MEI1: variants seen among roughly 807,000 people sequenced by gnomAD.
The protein encoded by MEI1 is meiosis inhibitor protein 1.
MEI1 carries 103 observed loss-of-function variants against 146.2 expected under a neutral mutation model. The ratio of observed to expected loss-of-function variants is 0.70; its 90% CI spans 0.60 to 0.83. The LOEUF is 0.83. Ranked by LOEUF, MEI1 falls within the 40% of genes least tolerant of loss-of-function variation. MEI1 has a pLI of 0.00. For missense variants in MEI1, 1,529 were observed against 1,533.0 expected, an observed-to-expected ratio of 1.00 and a Z score of 0.04; for synonymous variants, 652 against 628.2, an observed-to-expected ratio of 1.04 and a Z score of -0.57.
At chr22:41,713,595 C>T (rs552242559) in intron 3 of MEI1, among the ~76,000 whole-genome samples, 3 of 152,108 alleles carry the variant, frequency 2.0e-5, no homozygotes, top group Non-Finnish European at 4.4e-5. Context: ...GTTGCCCATG[C>T]TGGAGTGCAA....
intron 23 of MEI1, 26 bp downstream of exon 23, chr22:41,781,420 G>T (rs565151452): frequency 3.3e-5 from 51 of 1,560,358 alleles, no homozygotes; most frequent in Non-Finnish European, 4.4e-5. Context: ...CTGGGACAGT[G>T]AAGAGTGCTG....
At chr22:41,775,904 C>G (rs1018657834) in intron 20 of MEI1, 198 bp from the exon 21 acceptor site, 18 of 526,382 alleles carry the variant, frequency 3.4e-5, no homozygotes, top group African/African-American at 3.3e-4. Context: ...TAGGATGGAC[C>G]TATTCTAAGG....
intron 21 of MEI1, 96 bp from the exon 22 acceptor site, chr22:41,778,612 A>G: frequency 1.1e-6 from 1 of 893,426 alleles, no homozygotes; most frequent in Non-Finnish European, 1.8e-6. Context: ...AAAACTTTGA[A>G]CCTGTTATTA....
chr22:41,785,312 G>T (rs2075924198), intron 26 of MEI1, among the ~76,000 whole-genome samples: 1 of 151,226 alleles, frequency 6.6e-6, no homozygotes, highest in Admixed American at 6.6e-5. Flanking sequence ...GCCCAGGCTG[G>T]TGTGTGGTGG....
intron 19 of MEI1, among the ~76,000 whole-genome samples, chr22:41,763,661 C>T (rs937967178): frequency 4.0e-5 from 6 of 151,882 alleles, no homozygotes; most frequent in Non-Finnish European, 7.4e-5. Context: ...GGTGTGATTT[C>T]GGCTCACTGC....
At chr22:41,797,240 T>G (rs2076394035) in intron 30 of MEI1, among the ~76,000 whole-genome samples, 1 of 151,960 alleles carries the variant, frequency 6.6e-6, no homozygotes, top group South Asian at 2.1e-4. Context: ...CTGCCTGCCT[T>G]GGCCTCCCAA....
chr22:41,703,326 T>G lies in MEI1; in HGVS notation c.175-5T>G, dbSNP rs1256957837. The G allele has an allele frequency of 1.9e-6, 3 of 1,611,872 alleles. No individual in the cohort carries two copies. The highest frequency in any genetic ancestry group is 2.5e-6 in the Non-Finnish European group (3 of 1,179,048). ...TATTGAATGTTTTTCTTCATTTGCT[T>G]CAAGTTAGTGCGCAAGAAGCACATG... On this transcript the variant is annotated splice_region_variant and splice_polypyrimidine_tract_variant and intron_variant, in intron 1 of 30. Transcript: ENST00000401548.
intron 17 of MEI1, among the ~76,000 whole-genome samples, chr22:41,758,163 C>T (rs2074219704): frequency 6.6e-6 from 1 of 152,012 alleles, no homozygotes; most frequent in Non-Finnish European, 1.5e-5. Flanking sequence ...TATCCATGTC[C>T]TTCTGCTTGT....
Position 41,795,359 on chromosome 22 carries a change from T to G in MEI1, c.3535-52T>G. 1.9e-6 allele frequency: 3 copies of G among 1,605,918 alleles called. No homozygotes were observed. The highest frequency in any genetic ancestry group is 2.2e-5 in the South Asian group (2 of 89,986). ...GTTGGGGCACAGCAGTTGTCTATGA[T>G]GAAGGAGATGCCAAATCACTGGGTG... On this transcript the variant is annotated intron_variant, in intron 28 of 30. Transcript: ENST00000401548. The surrounding 1 kb of genome is among the most constrained non-coding windows in gnomAD (Gnocchi z 4.2).
chr22:41,794,465 G>A lies in MEI1; in HGVS notation c.3522G>A (p.Arg1174=). ...ENSFLRPEIL[R]LMTLFMRYRS... is the part of the protein sequence containing the mutation. Reference sequence around the variant, plus strand: ...CCTTCCTCAGACCTGAGATTTTGAGGCTCATGACCCTGGTAAGTGCAGAAA... The same window carrying A: ...CCTTCCTCAGACCTGAGATTTTGAGACTCATGACCCTGGTAAGTGCAGAAA... The change falls in exon 28 of 31, where the codon AGG becomes AGA. Residue 1174 remains arginine (R), a synonymous_variant. Coordinates refer to ENST00000401548, the MANE Select transcript of MEI1 (RefSeq NM_152513.4). The A allele has an allele frequency of 6.2e-7, 1 of 1,613,668 alleles. No homozygotes were observed. Among genetic ancestry groups the A allele is most frequent in the Non-Finnish European group, 8.5e-7 (1 of 1,179,602 alleles).
chr22:41,789,027 A>G (rs2076083275), intron 26 of MEI1, among the ~76,000 whole-genome samples: 1 of 152,152 alleles, frequency 6.6e-6, no homozygotes, highest in Admixed American at 6.5e-5. Flanking sequence ...TTGTATTGGT[A>G]GTAAGGCCAG....
intron 18 of MEI1, among the ~76,000 whole-genome samples, chr22:41,760,309 CA>C (rs573185972): frequency 7.1e-6 from 1 of 141,402 alleles, no homozygotes; most frequent in African/African-American, 2.6e-5. Context: ...GACTCTGTCT[CA>C]AAAAAAAATA....
intron 6 of MEI1, among the ~76,000 whole-genome samples, chr22:41,721,061 A>C (rs5996054): frequency 1.4e-4 from 21 of 150,746 alleles, no homozygotes; most frequent in African/African-American, 5.1e-4. Context: ...TTACAGGCTT[A>C]AGCCACTGCG....
intron 6 of MEI1, 83 bp from the exon 7 acceptor site, chr22:41,723,860 T>A: frequency 6.8e-7 from 1 of 1,476,016 alleles, no homozygotes; most frequent in Non-Finnish European, 9.2e-7. Context: ...GAAGTTTCTC[T>A]GGGGATGTCT....
chr22:41,790,646 G>A (rs1234647629), intron 26 of MEI1, among the ~76,000 whole-genome samples: 2 of 151,616 alleles, frequency 1.3e-5, no homozygotes, highest in Non-Finnish European at 2.9e-5. Context: ...AGGCTGGAGT[G>A]CAATGGCGCG....
intron 26 of MEI1, among the ~76,000 whole-genome samples, chr22:41,793,032 C>CTTT (rs869223251): frequency 0.014 from 701 of 48,410 alleles, 178 homozygotes; most frequent in East Asian, 0.053. Flanking sequence ...ACAAAGCATT[C>CTTT]TTTTTTTTTT....
At chr22:41,704,346 C>A (rs1158832426) in intron 2 of MEI1, among the ~76,000 whole-genome samples, 2 of 151,932 alleles carry the variant, frequency 1.3e-5, no homozygotes, top group Admixed American at 1.3e-4. Flanking sequence ...GAATTTTATC[C>A]CAGGTCTGTC....
At chr22:41,762,642 C>T (rs1371863571) in intron 18 of MEI1, among the ~76,000 whole-genome samples, 1 of 151,786 alleles carries the variant, frequency 6.6e-6, no homozygotes, top group Admixed American at 6.6e-5. Flanking sequence ...CCACCACAGC[C>T]TCCCAGAGTG....
intron 3 of MEI1, among the ~76,000 whole-genome samples, chr22:41,713,399 C>G (rs2069786679): frequency 1.3e-5 from 2 of 151,398 alleles, no homozygotes. Flanking sequence ...CCCAGGAGTT[C>G]AAGGCTGCAG....
Sources: gnomAD v4.1 joint callset for allele counts (sites outside exome capture counted in the v4.1 genomes callset) on GRCh38, gnomAD v4.1.1 for gene constraint, Gnocchi (gnomAD v3.1) non-coding constraint, MANE v1.5 for transcripts, NCBI Gene and HGNC (gene_info 2026-07-23, HGNC 2026-07-21) for gene names.